NEDD4: variants seen among roughly 807,000 people sequenced by gnomAD.
NEDD4 encodes the protein E3 ubiquitin-protein ligase NEDD4.
NEDD4 carries 99 observed loss-of-function variants against 144.9 expected under a neutral mutation model. The ratio of observed to expected loss-of-function variants is 0.68; its 90% CI spans 0.58 to 0.81. NEDD4 has a LOEUF of 0.81. NEDD4 is among the 30% of genes least tolerant of loss of function. NEDD4 has a pLI of 0.00. For synonymous variants in NEDD4, 318 were observed against 350.6 expected, an observed-to-expected ratio of 0.91 and a Z score of 1.04; for missense variants, 985 against 1,065.9, an observed-to-expected ratio of 0.92 and a Z score of 1.06.
chr15:55,859,649 T>C (rs1031164377), intron 11 of NEDD4, among the ~76,000 whole-genome samples: 3 of 152,268 alleles, frequency 2.0e-5, no homozygotes, highest in African/African-American at 7.2e-5. Context: ...TAAGCCGAGA[T>C]AGCACCACTG....
chr15:55,862,422 C>T (rs1294431887), intron 9 of NEDD4, among the ~76,000 whole-genome samples: 1 of 152,052 alleles, frequency 6.6e-6, no homozygotes, highest in Non-Finnish European at 1.5e-5. Flanking sequence ...AAAGTCATTC[C>T]GTCCTTGATC....
At chr15:55,904,689 G>C (rs947100350) in intron 5 of NEDD4, among the ~76,000 whole-genome samples, 2 of 152,160 alleles carry the variant, frequency 1.3e-5, no homozygotes, top group Non-Finnish European at 2.9e-5. Flanking sequence ...TACCAAGAAT[G>C]CAAAAAGTTG....
At chr15:55,889,532 C>G (rs2035496963) in intron 5 of NEDD4, among the ~76,000 whole-genome samples, 1 of 151,944 alleles carries the variant, frequency 6.6e-6, no homozygotes, top group South Asian at 2.1e-4. Context: ...AACAATTGAA[C>G]TGAGATAGAG....
At chr15:55,941,914 G>A (rs986025153) in intron 4 of NEDD4, among the ~76,000 whole-genome samples, 5 of 152,146 alleles carry the variant, frequency 3.3e-5, no homozygotes, top group East Asian at 3.9e-4. Context: ...ACTGAAACTC[G>A]GTTTGTGGCC....
intron 11 of NEDD4, among the ~76,000 whole-genome samples, chr15:55,860,055 G>A (rs369165660): frequency 2.6e-5 from 4 of 152,126 alleles, no homozygotes; most frequent in Admixed American, 2.6e-4. Context: ...CACCTAACAG[G>A]AGCCCAAATC....
intron 5 of NEDD4, among the ~76,000 whole-genome samples, chr15:55,887,345 A>G (rs2035427186): frequency 6.6e-6 from 1 of 152,202 alleles, no homozygotes; most frequent in African/African-American, 2.4e-5. Context: ...TCAAAGGATC[A>G]TTAGAGATTA....
Position 55,848,551 on chromosome 15 carries a change from T to G in NEDD4, c.1453A>C (p.Thr485Pro). The change falls in exon 16 of 29, where the codon ACA becomes CCA. Residue 485 changes from threonine (T) to proline (P), a missense_variant. Thr to Pro is a conservative substitution (Grantham distance 38). Coordinates refer to ENST00000435532, the MANE Select transcript of NEDD4 (RefSeq NM_006154.4). ...LPPGWEERTH[T>P]DGRIFYINHN... ...TTTATGTAGAAGATTCTTCCATCTG[T>G]GTGAGTTCTCTCTTCCCATCCTGGC... 6.2e-7 allele frequency: 1 copy of G among 1,613,572 alleles called. No individual in the cohort carries two copies. Among genetic ancestry groups the G allele is most frequent in the Non-Finnish European group, 8.5e-7 (1 of 1,179,712 alleles).
chr15:55,843,421 C>T (rs570391652), intron 18 of NEDD4, among the ~76,000 whole-genome samples: 2 of 152,298 alleles, frequency 1.3e-5, no homozygotes, highest in Admixed American at 1.3e-4. Context: ...AGCTACATTG[C>T]CTCACTAATC....
At chr15:55,991,561 C>G (rs1284888360) in intron 1 of NEDD4, among the ~76,000 whole-genome samples, 1 of 152,216 alleles carries the variant, frequency 6.6e-6, no homozygotes, top group East Asian at 1.9e-4. Flanking sequence ...GACTCTTCAT[C>G]ATCATGTCTC....
At chr15:55,950,768 G>C (rs2037223719) in intron 4 of NEDD4, among the ~76,000 whole-genome samples, 1 of 152,132 alleles carries the variant, frequency 6.6e-6, no homozygotes, top group South Asian at 2.1e-4. Context: ...GGTCAAGGAA[G>C]AACATTTTAG....
intron 2 of NEDD4, among the ~76,000 whole-genome samples, chr15:55,953,956 G>C (rs772488115): frequency 4.6e-5 from 7 of 152,086 alleles, no homozygotes; most frequent in Non-Finnish European, 7.4e-5. Context: ...TCTTGACCTC[G>C]TGACCCTCCT....
At chr15:55,921,062 TAA>T (rs1441670005) in intron 5 of NEDD4, among the ~76,000 whole-genome samples, 7 of 152,176 alleles carry the variant, frequency 4.6e-5, no homozygotes, top group African/African-American at 1.4e-4. Flanking sequence ...ACAAACGCGT[TAA>T]GTCTACGAAT....
At chr15:55,876,423 C>A (rs1271963684) in intron 5 of NEDD4, among the ~76,000 whole-genome samples, 8 of 150,840 alleles carry the variant, frequency 5.3e-5, no homozygotes, top group Non-Finnish European at 1.2e-4. Context: ...AAAATTGTAT[C>A]GCTATACTAT....
chr15:55,950,891 G>A (rs1469655062), intron 4 of NEDD4, among the ~76,000 whole-genome samples: 2 of 152,164 alleles, frequency 1.3e-5, no homozygotes, highest in African/African-American at 4.8e-5. Flanking sequence ...TATTAAATAG[G>A]TACAAGGAGA....
At chr15:55,878,815 TTTTG>T (rs371174487) in intron 5 of NEDD4, among the ~76,000 whole-genome samples, 21 of 152,316 alleles carry the variant, frequency 1.4e-4, no homozygotes, top group Middle Eastern at 6.8e-3. Flanking sequence ...AAAGTGGTTT[TTTTG>T]TTTGTTTGTT....
intron 8 of NEDD4, among the ~76,000 whole-genome samples, chr15:55,868,044 AGACTCT>A (rs1479585864): frequency 1.4e-5 from 2 of 147,472 alleles, no homozygotes; most frequent in African/African-American, 5.1e-5. Context: ...CCACAGAGCA[AGACTCT>A]GACTCCAAAA....
chr15:55,876,128 T>C (rs2034984670), intron 5 of NEDD4, among the ~76,000 whole-genome samples: 1 of 152,156 alleles, frequency 6.6e-6, no homozygotes, highest in Non-Finnish European at 1.5e-5. Flanking sequence ...ATGGAAAATG[T>C]ACCAAGAATT....
At position 55,862,956 on chromosome 15, in the gene NEDD4, T is replaced by C; in HGVS notation, c.631A>G (p.Asn211Asp). 1 of 1,610,088 alleles carries C rather than the reference T, an allele frequency of 6.2e-7. No homozygotes were observed. Among genetic ancestry groups the C allele is most frequent in the Non-Finnish European group, 8.5e-7 (1 of 1,177,318 alleles). Reference protein sequence around the residue: ...QDILGRTYYVNHESRRTQWKR... With the variant: ...QDILGRTYYVDHESRRTQWKR... ...CACTGTGTTCTTCTAGATTCATGGT[T>C]TACATAATAGGTCCTTCCAAGGATA... The change falls in exon 9 of 29, where the codon AAC becomes GAC. Residue 211 changes from asparagine (N) to aspartate (D), a missense_variant. Transcript: ENST00000435532.
At chr15:55,872,332 C>A (rs1261757214) in intron 7 of NEDD4, 83 bp downstream of exon 7, 3 of 453,158 alleles carry the variant, frequency 6.6e-6, no homozygotes, top group East Asian at 8.5e-5. Flanking sequence ...AGGTTTAAAC[C>A]CTGAATTTCT....
Sources: gnomAD v4.1 joint callset for allele counts (sites outside exome capture counted in the v4.1 genomes callset) on GRCh38, gnomAD v4.1.1 for gene constraint, MANE v1.5 for transcripts, NCBI Gene and HGNC (gene_info 2026-07-23, HGNC 2026-07-21) for gene names.